The following DNMT3B variants were observed in gnomAD, a reference collection of about 807,000 sequenced individuals.
DNMT3B encodes DNA (cytosine-5)-methyltransferase 3B.
DNMT3B carries 37 observed loss-of-function variants against 120.2 expected under a neutral mutation model. The ratio of observed to expected loss-of-function variants is 0.31; its 90% CI spans 0.24 to 0.40. The LOEUF (loss-of-function observed/expected upper bound fraction) is 0.40, where lower values mean the gene tolerates loss of function less well. Among genes scored for constraint, DNMT3B ranks in the 10% least tolerant of loss-of-function variants. The pLI is 1.00. For synonymous variants in DNMT3B, 412 were observed against 442.8 expected (o/e 0.93, Z 0.87); for missense variants, 878 against 1,137.3 (o/e 0.77, Z 3.28).
intron 12 of DNMT3B, 39 bp downstream of exon 12, chr20:32,795,733 T>G: frequency 6.2e-7 from 1 of 1,612,854 alleles, no homozygotes; most frequent in South Asian, 1.1e-5. Flanking sequence ...CCTCACACCC[T>G]GGCTAGGGCT....
intron 1 of DNMT3B, among the ~76,000 whole-genome samples, chr20:32,764,959 T>G (rs2145831107): frequency 6.6e-6 from 1 of 152,326 alleles, no homozygotes; most frequent in Non-Finnish European, 1.5e-5. Context: ...TGCAGCCCCA[T>G]GGACCTGCTG....
At chr20:32,777,131 A>G (rs943859656) in intron 1 of DNMT3B, among the ~76,000 whole-genome samples, 4 of 152,338 alleles carry the variant, frequency 2.6e-5, no homozygotes, top group South Asian at 4.1e-4. Context: ...GAAAGCATAT[A>G]TAAGTGCTCA....
chr20:32,806,331 A>C lies in DNMT3B; in HGVS notation c.2420+4A>C. On this transcript the variant is annotated splice_donor_region_variant and intron_variant, in intron 22 of 22. Coordinates refer to ENST00000328111, the MANE Select transcript of DNMT3B (RefSeq NM_006892.4). ...TGTGGTGCACTGAGCTCGAAAGGTG[A>C]GCAAGGCTGCACTTGGAGAGGGAAA... The C allele has an allele frequency of 6.2e-7, 1 of 1,613,896 alleles. No individual in the cohort carries two copies. The highest frequency in any genetic ancestry group is 8.5e-7 in the Non-Finnish European group (1 of 1,179,746).
At position 32,792,709 on chromosome 20, in the gene DNMT3B, G is replaced by A; in HGVS notation, c.1005G>A (p.Trp335Ter). The A allele has an allele frequency of 6.2e-7, 1 of 1,614,218 alleles. No individual in the cohort carries two copies. The highest frequency in any genetic ancestry group is 8.5e-7 in the Non-Finnish European group (1 of 1,180,046). The change falls in exon 9 of 23, where the codon TGG becomes TGA. Residue 335 changes from tryptophan to a stop codon, truncating the protein, a stop_gained. Transcript: ENST00000328111. LOFTEE classifies it high-confidence loss of function. ...LEDQLKPMLEWAHGGFKPTGI... is the reference protein window; with the variant it reads ...LEDQLKPMLE ...ACCAGCTGAAGCCCATGTTGGAGTG[G>A]GCCCACGGGGGCTTCAAGCCCACTG...
intron 1 of DNMT3B, among the ~76,000 whole-genome samples, chr20:32,774,879 C>T (rs1336043165): frequency 3.9e-5 from 6 of 152,012 alleles, no homozygotes; most frequent in South Asian, 2.1e-4. Context: ...CCACCACGAC[C>T]GGCTAATTTT....
intron 1 of DNMT3B, among the ~76,000 whole-genome samples, chr20:32,768,423 C>T (rs1024061913): frequency 6.6e-6 from 1 of 152,144 alleles, no homozygotes; most frequent in African/African-American, 2.4e-5. Context: ...AATTCCCCAC[C>T]TCAGGTGATC....
chr20:32,766,614 A>G (rs1254176628), intron 1 of DNMT3B, among the ~76,000 whole-genome samples: 2 of 152,116 alleles, frequency 1.3e-5, no homozygotes, highest in African/African-American at 2.4e-5. Context: ...TTATATTTTG[A>G]GACAGTCTCG....
chr20:32,788,136 A>ACGTGCAAGTCACAGGGGATG (rs1050882131), intron 6 of DNMT3B, among the ~76,000 whole-genome samples: 7 of 152,130 alleles, frequency 4.6e-5, no homozygotes, highest in African/African-American at 1.7e-4. Flanking sequence ...CTGGGCTTAA[A>ACGTGCAAGTCACAGGGGATG]CGTGCAAGTC....
At chr20:32,798,245 G>C (rs1188106596) in intron 14 of DNMT3B, among the ~76,000 whole-genome samples, 2 of 152,230 alleles carry the variant, frequency 1.3e-5, no homozygotes, top group Non-Finnish European at 2.9e-5. Flanking sequence ...GAGCATTTCT[G>C]ATCAGAGAGC....
At position 32,796,717 on chromosome 20, in the gene DNMT3B, G is replaced by A; in HGVS notation, c.1298-73G>A. 4.5e-6 allele frequency: 7 copies of A among 1,543,846 alleles called. No individual in the cohort carries two copies. In the South Asian group the frequency reaches 5.6e-5, roughly 12 times the overall value. On this transcript the variant is annotated intron_variant, in intron 12 of 22. Coordinates refer to ENST00000328111, the MANE Select transcript of DNMT3B (RefSeq NM_006892.4). Reference sequence around the variant, plus strand: ...GGCCTGGAGGGAAATCTTAGGAACTGAGAGACCCCAGGCTTTAGCAGCTGG... The same window carrying A: ...GGCCTGGAGGGAAATCTTAGGAACTAAGAGACCCCAGGCTTTAGCAGCTGG...
At chr20:32,775,978 G>A (rs929367520) in intron 1 of DNMT3B, among the ~76,000 whole-genome samples, 2 of 152,290 alleles carry the variant, frequency 1.3e-5, no homozygotes, top group African/African-American at 2.4e-5. Flanking sequence ...AGTGGCTCAC[G>A]CCTGTAATCC....
rs1320991354 is a variant in DNMT3B at position 32,781,269 on chromosome 20, C to A, written c.143-84C>A. 4.1e-6 allele frequency: 6 copies of A among 1,447,472 alleles called. No individual in the cohort carries two copies. The Admixed American group carries it at 1.0e-4, about 25-fold the overall frequency. The allele number at this position is 1,447,472 out of a possible 1,614,324, so 89.7% of individuals were successfully genotyped here. A position where few individuals can be genotyped will look rare whatever the true frequency, so the allele number is the denominator to read the frequency against. On this transcript the variant is annotated intron_variant, in intron 2 of 22. Transcript: ENST00000328111. The stretch of plus-strand genomic sequence containing the variant: ...GTAGGGGAGATCCCAGGCCACGCCA[C>A]GGAGAAAAGCCCCTATTAGCAAGGC...
Position 32,788,976 on chromosome 20 carries a change from G to C in DNMT3B, c.777G>C (p.Arg259=), listed in dbSNP as rs188514528. The C allele has an allele frequency of 1.9e-6, 3 of 1,614,128 alleles. No individual in the cohort carries two copies. Among genetic ancestry groups the C allele is most frequent in the Non-Finnish European group, 2.5e-6 (3 of 1,180,058 alleles). ...TSKRQAMSGM[R]WVQWFGDGKF... The stretch of plus-strand genomic sequence containing the variant: ...AGCGACAGGCTATGTCTGGCATGCG[G>C]TGGGTCCAGTGGTTTGGCGATGGCA... Residue 259 remains arginine (R), a synonymous_variant, in exon 7 of 23, where the codon CGG becomes CGC. Coordinates refer to ENST00000328111, the MANE Select transcript of DNMT3B (RefSeq NM_006892.4).
At chr20:32,765,780 G>A (rs1766447800) in intron 1 of DNMT3B, among the ~76,000 whole-genome samples, 1 of 111,600 alleles carries the variant, frequency 9.0e-6, no homozygotes, top group South Asian at 2.9e-4. Context: ...TTTTGAGACG[G>A]AGTCTGGCTC....
intron 7 of DNMT3B, among the ~76,000 whole-genome samples, chr20:32,790,194 C>T (rs570912119): frequency 6.6e-6 from 1 of 152,228 alleles, no homozygotes; most frequent in East Asian, 1.9e-4. Context: ...TAGGAGAGCC[C>T]CTGCATGCAG....
At chr20:32,796,979 C>G in intron 13 of DNMT3B, 110 bp downstream of exon 13, 2 of 1,613,344 alleles carry the variant, frequency 1.2e-6, no homozygotes, top group East Asian at 4.5e-5. Flanking sequence ...CTCATCCCAG[C>G]TGCCTTGCAC....
At chr20:32,787,934 T>TG (rs1979521333) in intron 6 of DNMT3B, among the ~76,000 whole-genome samples, 1 of 147,090 alleles carries the variant, frequency 6.8e-6, no homozygotes, top group Admixed American at 6.8e-5. Context: ...CGGGCAGGAG[T>TG]GGGGGTCTCA....
intron 1 of DNMT3B, among the ~76,000 whole-genome samples, chr20:32,773,293 C>A (rs972800802): frequency 6.6e-6 from 1 of 152,110 alleles, no homozygotes; most frequent in Non-Finnish European, 1.5e-5. Flanking sequence ...TGGACACACT[C>A]TTCTGATAAT....
At chr20:32,779,092 G>A (rs1052136724) in intron 1 of DNMT3B, among the ~76,000 whole-genome samples, 3 of 152,218 alleles carry the variant, frequency 2.0e-5, no homozygotes, top group African/African-American at 7.2e-5. Flanking sequence ...CAGCTTATTG[G>A]GGAAGCTTTT....
Sources: gnomAD v4.1 joint callset for allele counts (sites outside exome capture counted in the v4.1 genomes callset) on GRCh38, gnomAD v4.1.1 for gene constraint, MANE v1.5 for transcripts, NCBI Gene and HGNC (gene_info 2026-07-23, HGNC 2026-07-21) for gene names.